JMJD1C: variants seen among roughly 807,000 people sequenced by gnomAD.
JMJD1C encodes the protein jumonji domain-containing protein 1C.
In JMJD1C, 31 loss-of-function variants were observed where a neutral mutation model predicts 245.3. The observed-to-expected ratio is 0.13, with a 90% CI of 0.09 to 0.17. The LOEUF (loss-of-function observed/expected upper bound fraction) is 0.17. Among genes scored for constraint, JMJD1C ranks in the 10% least tolerant of loss-of-function variants. JMJD1C has a pLI of 1.00. For synonymous variants in JMJD1C, 1,057 were observed against 1,017.4 expected (o/e 1.04, Z -0.74); for missense variants, 2,691 against 3,000.2 (o/e 0.90, Z 2.41).
Position 63,358,909 on chromosome 10 carries a change from G to A in JMJD1C, c.333+21409C>T, listed in dbSNP as rs530123686. On this transcript the variant is annotated intron_variant, in intron 2 of 25. Coordinates refer to ENST00000399262, the MANE Select transcript of JMJD1C (RefSeq NM_032776.3). Reference sequence around the variant, plus strand: ...TCAGATTGTATCTTGTGGACCCTCCGAAAATGAAGATGACAGAAAATCTAA... The same window carrying A: ...TCAGATTGTATCTTGTGGACCCTCCAAAAATGAAGATGACAGAAAATCTAA... 37 of 155,988 alleles carry A rather than the reference G, an allele frequency of 2.4e-4. 1 individual carries two copies. Among genetic ancestry groups the A allele is most frequent in the Middle Eastern group, 1.8e-3 (1 of 570 alleles). 9.7% of individuals were successfully genotyped at this position (155,988 alleles called of 1,614,324 possible).
intron 2 of JMJD1C, among the ~76,000 whole-genome samples, chr10:63,329,692 A>G (rs1941933390): frequency 6.6e-6 from 1 of 152,226 alleles, no homozygotes; most frequent in African/African-American, 2.4e-5. Flanking sequence ...AGCAATACAC[A>G]TTCAGTAGAA....
intron 1 of JMJD1C, among the ~76,000 whole-genome samples, chr10:63,499,200 A>G (rs1486274145): frequency 6.6e-6 from 1 of 152,202 alleles, no homozygotes; most frequent in East Asian, 1.9e-4. Context: ...TGTCTCTTCA[A>G]GATGCTGATT....
At chr10:63,395,465 G>A (rs1016691574) in intron 1 of JMJD1C, among the ~76,000 whole-genome samples, 1 of 152,098 alleles carries the variant, frequency 6.6e-6, no homozygotes. Context: ...GCAACAGAGG[G>A]AGACTCTGTC....
intron 1 of JMJD1C, among the ~76,000 whole-genome samples, chr10:63,422,621 C>A (rs1257193435): frequency 6.6e-6 from 1 of 152,176 alleles, no homozygotes; most frequent in Admixed American, 6.5e-5. Context: ...ACTCAATGAA[C>A]ATTAAACGTA....
intron 2 of JMJD1C, among the ~76,000 whole-genome samples, chr10:63,376,628 A>G (rs934059200): frequency 6.6e-6 from 1 of 152,240 alleles, no homozygotes; most frequent in African/African-American, 2.4e-5. Context: ...TTATGAATAG[A>G]TATTTCTCAA....
At chr10:63,219,482 G>C (rs1472450907) in intron 4 of JMJD1C, among the ~76,000 whole-genome samples, 1 of 152,060 alleles carries the variant, frequency 6.6e-6, no homozygotes, top group Non-Finnish European at 1.5e-5. Flanking sequence ...TTCTGAAAAA[G>C]GTGCACTGAA....
chr10:63,198,260 T>G (rs1227868763), intron 12 of JMJD1C, among the ~76,000 whole-genome samples: 1 of 152,340 alleles, frequency 6.6e-6, no homozygotes, highest in South Asian at 2.1e-4. Flanking sequence ...CTAAAGTGGG[T>G]TTAACACATT....
At chr10:63,319,442 T>C (rs1455874508) in intron 2 of JMJD1C, among the ~76,000 whole-genome samples, 1 of 152,042 alleles carries the variant, frequency 6.6e-6, no homozygotes, top group Non-Finnish European at 1.5e-5. Flanking sequence ...TAACGTATGT[T>C]GTGTTTCTTT....
Position 63,406,250 on chromosome 10 carries a change from T to C in JMJD1C, c.169-25768A>G, listed in dbSNP as rs1589686862. ...AAATAAGAAGACAGAGAATATCTAG[T>C]CACTTTTAAATTTAGTTTTTTTCTG... On this transcript the variant is annotated intron_variant, in intron 1 of 25. Coordinates refer to ENST00000399262, the MANE Select transcript of JMJD1C (RefSeq NM_032776.3). 2.0e-5 allele frequency among the ~76,000 whole-genome samples: 3 copies of C among 152,182 alleles called. No individual in the cohort carries two copies. In the East Asian group the frequency reaches 5.8e-4, roughly 29 times the overall value.
chr10:63,385,363 CAGACTTAAT>C (rs1947505976), intron 1 of JMJD1C, among the ~76,000 whole-genome samples: 2 of 147,912 alleles, frequency 1.4e-5, no homozygotes, highest in African/African-American at 5.0e-5. Flanking sequence ...ATGAAACCGA[CAGACTTAAT>C]AGATGCAAAG....
intron 1 of JMJD1C, among the ~76,000 whole-genome samples, chr10:63,504,299 A>C (rs1177304070): frequency 6.6e-6 from 1 of 152,196 alleles, no homozygotes; most frequent in Non-Finnish European, 1.5e-5. Flanking sequence ...AACAGAAAAC[A>C]ACAACAGCAG....
intron 1 of JMJD1C, among the ~76,000 whole-genome samples, chr10:63,388,794 C>A (rs569682872): frequency 1.3e-5 from 2 of 152,238 alleles, no homozygotes; most frequent in South Asian, 4.1e-4. Context: ...AAAAGAAACT[C>A]ATCTCCCCTA....
intron 1 of JMJD1C, among the ~76,000 whole-genome samples, chr10:63,450,584 T>A (rs1451456255): frequency 6.6e-6 from 1 of 152,126 alleles, no homozygotes; most frequent in Non-Finnish European, 1.5e-5. Flanking sequence ...AATTTTATGA[T>A]CATCTCAATT....
chr10:63,387,629 A>AATTTT (rs1554915199), intron 1 of JMJD1C, among the ~76,000 whole-genome samples: 682 of 37,932 alleles, frequency 0.018, 118 homozygotes, highest in Middle Eastern at 0.091. Context: ...GAAAAAAAAA[A>AATTTT]TTTTTTTTTT....
intron 2 of JMJD1C, among the ~76,000 whole-genome samples, chr10:63,344,525 T>A (rs1182475680): frequency 2.6e-5 from 4 of 152,134 alleles, no homozygotes; most frequent in Non-Finnish European, 5.9e-5. Flanking sequence ...AAAACCTTTG[T>A]GATCACAGCA....
chr10:63,500,824 C>G (rs1954534033), intron 1 of JMJD1C, among the ~76,000 whole-genome samples: 1 of 150,516 alleles, frequency 6.6e-6, no homozygotes, highest in Non-Finnish European at 1.5e-5. Context: ...CAGATGGATG[C>G]ATGGATGCAC....
At chr10:63,306,752 T>G (rs1938306991) in intron 2 of JMJD1C, among the ~76,000 whole-genome samples, 1 of 152,192 alleles carries the variant, frequency 6.6e-6, no homozygotes, top group Non-Finnish European at 1.5e-5. Flanking sequence ...TAACACCCGA[T>G]GTATTATTGA....
intron 1 of JMJD1C, among the ~76,000 whole-genome samples, chr10:63,487,923 G>A (rs1202196915): frequency 1.3e-5 from 2 of 152,200 alleles, no homozygotes; most frequent in Non-Finnish European, 2.9e-5. Context: ...TATTCCTCAT[G>A]TAATACTTCT....
chr10:63,329,051 G>A (rs1305258688), intron 2 of JMJD1C, among the ~76,000 whole-genome samples: 1 of 152,150 alleles, frequency 6.6e-6, no homozygotes, highest in Non-Finnish European at 1.5e-5. Flanking sequence ...AAAGGCTGAG[G>A]TGGGAGAACT....
Sources: gnomAD v4.1 joint callset for allele counts (sites outside exome capture counted in the v4.1 genomes callset) on GRCh38, gnomAD v4.1.1 for gene constraint, MANE v1.5 for transcripts, NCBI Gene and HGNC (gene_info 2026-07-23, HGNC 2026-07-21) for gene names.